Variants in UGT8 observed in about 807,000 individuals in gnomAD.
UGT8 encodes UDP glycosyltransferase 8.
Under a neutral mutation model 40.5 loss-of-function variants are expected in UGT8, and 12 were observed. The ratio of observed to expected loss-of-function variants is 0.30; its 90% confidence interval spans 0.19 to 0.48. UGT8 has a LOEUF of 0.48. Ranked by LOEUF, UGT8 falls within the 20% of genes least tolerant of loss-of-function variation. The probability of loss-of-function intolerance (pLI) is 0.99; values close to 1 mark genes in which losing one functional copy is unlikely to be tolerated. For synonymous variants in UGT8, 224 were observed against 240.4 expected (o/e 0.93, Z 0.63); for missense variants, 513 against 648.7 (o/e 0.79, Z 2.27).
chr4:114,644,591 T>A (rs542154903), intron 2 of UGT8, among the ~76,000 whole-genome samples: 1 of 152,320 alleles, frequency 6.6e-6, no homozygotes, highest in African/African-American at 2.4e-5. Flanking sequence ...ACTCATTGTC[T>A]CCCTGAGGCT....
chr4:114,675,213 T>G (rs1364580704), intron 5 of UGT8, among the ~76,000 whole-genome samples: 1 of 152,210 alleles, frequency 6.6e-6, no homozygotes, highest in Non-Finnish European at 1.5e-5. Context: ...CTGTATCTTT[T>G]TCTCCATCTT....
intron 2 of UGT8, among the ~76,000 whole-genome samples, chr4:114,625,205 TGAA>T (rs922154767): frequency 2.6e-5 from 4 of 152,050 alleles, no homozygotes; most frequent in South Asian, 2.1e-4. Flanking sequence ...GTCACTTGAT[TGAA>T]GAAGAAGTAT....
At chr4:114,639,337 C>T (rs544204202) in intron 2 of UGT8, among the ~76,000 whole-genome samples, 1 of 152,308 alleles carries the variant, frequency 6.6e-6, no homozygotes, top group African/African-American at 2.4e-5. Context: ...GCCTCATCTT[C>T]TAGGTGTTCT....
chr4:114,599,759 T>A (rs1215409733), intron 1 of UGT8, among the ~76,000 whole-genome samples: 1 of 152,008 alleles, frequency 6.6e-6, no homozygotes, highest in African/African-American at 2.4e-5. Context: ...GCGCCTTCCA[T>A]GGACTGGAGG....
intron 2 of UGT8, 158 bp downstream of exon 2, chr4:114,623,860 C>A: frequency 3.5e-6 from 2 of 578,692 alleles, no homozygotes; most frequent in Non-Finnish European, 4.4e-6. Context: ...TATGTGGGTC[C>A]ACCACTTCCC....
chr4:114,651,955 A>T lies in UGT8; in HGVS notation c.823-12040A>T, dbSNP rs150780856. Among the ~76,000 whole-genome samples the T allele has an allele frequency of 6.9e-4, 105 of 152,160 alleles. 1 individual carries two copies. The highest frequency in any genetic ancestry group is 2.3e-3 in the African/African-American group (96 of 41,550). On this transcript the variant is annotated intron_variant, in intron 2 of 5. Coordinates refer to ENST00000310836, the MANE Select transcript of UGT8 (RefSeq NM_001128174.3). ...AGTGTACACAAATTATGGGGAATAC[A>T]CTATTTGGGATGCCTTGAAATTAAA...
chr4:114,613,858 G>A (rs1016004133), intron 1 of UGT8, among the ~76,000 whole-genome samples: 3 of 152,050 alleles, frequency 2.0e-5, no homozygotes, highest in South Asian at 2.1e-4. Context: ...TCTTCTGGAC[G>A]CCAGAATTTG....
chr4:114,629,899 A>G (rs1732466730), intron 2 of UGT8, among the ~76,000 whole-genome samples: 1 of 152,196 alleles, frequency 6.6e-6, no homozygotes, highest in Non-Finnish European at 1.5e-5. Context: ...GCCCTAGAGA[A>G]TTGTTCATTT....
intron 2 of UGT8, among the ~76,000 whole-genome samples, chr4:114,661,919 A>G (rs1734565414): frequency 1.3e-5 from 2 of 152,182 alleles, no homozygotes; most frequent in Non-Finnish European, 2.9e-5. Context: ...ATATGATTTT[A>G]CCGTGTAGCA....
intron 5 of UGT8, among the ~76,000 whole-genome samples, chr4:114,674,752 A>G (rs945229120): frequency 1.2e-4 from 19 of 152,170 alleles, no homozygotes; most frequent in Non-Finnish European, 2.5e-4. Flanking sequence ...CACATGTCCA[A>G]TCTTTTGTTC....
chr4:114,665,273 A>G (rs541636607), intron 3 of UGT8: 9 of 506,846 alleles, frequency 1.8e-5, no homozygotes, highest in African/African-American at 1.7e-4. Flanking sequence ...TCAGGGTGTT[A>G]AGGATTTAGG....
intron 5 of UGT8, among the ~76,000 whole-genome samples, chr4:114,671,624 T>G (rs1337025749): frequency 1.3e-5 from 2 of 152,240 alleles, no homozygotes; most frequent in Non-Finnish European, 2.9e-5. Context: ...GCTAGCCATA[T>G]GCAGAAAACT....
intron 2 of UGT8, among the ~76,000 whole-genome samples, chr4:114,650,798 A>C (rs1733852631): frequency 6.6e-6 from 1 of 152,144 alleles, no homozygotes; most frequent in Non-Finnish European, 1.5e-5. Context: ...CAAAAACAAA[A>C]CTTTTGCGCC....
In UGT8 at chr4:114,675,941, C is replaced by G; in HGVS notation, c.1279C>G (p.Gln427Glu). ...TCTCCATAGCTACCGTCAGAGGGCT[C>G]AGAAGCTTTCGGAAATTCACAAGGA... ...INNPSYRQRAQKLSEIHKDQP... is the reference protein window; with the variant it reads ...INNPSYRQRAEKLSEIHKDQP... Residue 427 changes from glutamine to glutamate, a missense_variant, in exon 6 of 6, where the codon CAG becomes GAG. Physicochemically the swap from Gln to Glu is conservative, Grantham distance 29. Around this residue, in one of 3 missense-constraint regions of UGT8, gnomAD observed 175 missense variants for 186.7 expected, o/e 0.94. Coordinates refer to ENST00000310836, the MANE Select transcript of UGT8 (RefSeq NM_001128174.3). The G allele has an allele frequency of 1.2e-6, 2 of 1,613,400 alleles. No homozygotes were observed. Among genetic ancestry groups the G allele is most frequent in the Non-Finnish European group, 1.7e-6 (2 of 1,179,480 alleles).
At chr4:114,613,189 T>TA (rs1731193645) in intron 1 of UGT8, among the ~76,000 whole-genome samples, 1 of 152,168 alleles carries the variant, frequency 6.6e-6, no homozygotes, top group Non-Finnish European at 1.5e-5. Flanking sequence ...CTTAAAATGA[T>TA]ATCTTTGTAA....
intron 5 of UGT8, among the ~76,000 whole-genome samples, chr4:114,672,848 A>C (rs1735386156): frequency 6.6e-6 from 1 of 152,192 alleles, no homozygotes; most frequent in Non-Finnish European, 1.5e-5. Flanking sequence ...TCCACAACTT[A>C]AGTAAAATTA....
At chr4:114,611,422 A>G (rs1209043774) in intron 1 of UGT8, among the ~76,000 whole-genome samples, 1 of 34,764 alleles carries the variant, frequency 2.9e-5, no homozygotes, top group African/African-American at 5.8e-5. Flanking sequence ...ATATATATAT[A>G]TATATATATA....
chr4:114,657,887 A>C (rs775392435), intron 2 of UGT8, among the ~76,000 whole-genome samples: 1 of 152,228 alleles, frequency 6.6e-6, no homozygotes, highest in African/African-American at 2.4e-5. Flanking sequence ...GCTGGGCCTC[A>C]GAGAGAATAG....
At position 114,603,369 on chromosome 4, in the gene UGT8, T is replaced by G. The variant is rs889228135; in HGVS notation, c.-3+4395T>G. 3.3e-5 allele frequency among the ~76,000 whole-genome samples: 5 copies of G among 152,076 alleles called. No individual in the cohort carries two copies. In the East Asian group the frequency reaches 9.6e-4, roughly 29 times the overall value. Reference sequence around the variant, plus strand: ...TAGACACACAGAAACATTTAGGAGTTTTCAGTGTATAGGTAATTATAAACC... The same window carrying G: ...TAGACACACAGAAACATTTAGGAGTGTTCAGTGTATAGGTAATTATAAACC... On this transcript the variant is annotated intron_variant, in intron 1 of 5. Transcript: ENST00000310836.
Sources: allele counts gnomAD v4.1 joint callset (sites outside exome capture counted in the v4.1 genomes callset), GRCh38; gene constraint gnomAD v4.1.1; regional missense constraint gnomAD v4.1.1; transcripts MANE v1.5; gene names NCBI Gene and HGNC (gene_info 2026-07-23, HGNC 2026-07-21).